Variants in TANGO6 observed in about 807,000 individuals in gnomAD.
TANGO6 encodes transport and Golgi organization protein 6 homolog.
TANGO6 carries 90 observed loss-of-function variants against 114.2 expected under a neutral mutation model. The observed-to-expected ratio is 0.79, with a 90% confidence interval of 0.66 to 0.94. TANGO6 has a LOEUF of 0.94. Among genes scored for constraint, TANGO6 ranks in the 40% least tolerant of loss-of-function variants. The pLI is 0.00. For synonymous variants in TANGO6, 477 were observed against 509.8 expected (o/e 0.94, Z 0.87); for missense variants, 1,274 against 1,315.3 (o/e 0.97, Z 0.49).
At chr16:69,013,301 T>TA (rs1440662812) in intron 15 of TANGO6, among the ~76,000 whole-genome samples, 1 of 152,182 alleles carries the variant, frequency 6.6e-6, no homozygotes, top group Non-Finnish European at 1.5e-5. Context: ...ACTTTGGTTA[T>TA]AAAATTGACT....
intron 15 of TANGO6, among the ~76,000 whole-genome samples, chr16:69,008,575 A>G (rs1964116537): frequency 6.6e-6 from 1 of 151,548 alleles, no homozygotes; most frequent in East Asian, 1.9e-4. Context: ...TTACAATTTT[A>G]TCTCTTATGC....
intron 17 of TANGO6, among the ~76,000 whole-genome samples, chr16:69,068,831 A>G (rs1031783401): frequency 3.9e-5 from 6 of 152,148 alleles, no homozygotes; most frequent in Non-Finnish European, 8.8e-5. Context: ...CTTCTGCCTC[A>G]GCCTCCCGTG....
At chr16:68,958,713 T>G (rs1187503191) in intron 14 of TANGO6, among the ~76,000 whole-genome samples, 2 of 151,912 alleles carry the variant, frequency 1.3e-5, no homozygotes, top group Admixed American at 1.3e-4. Flanking sequence ...GGGGGAGGAT[T>G]ACTTGAGACC....
chr16:68,866,987 T>C (rs1425973233), intron 3 of TANGO6, 92 bp from the exon 4 acceptor site: 4 of 561,414 alleles, frequency 7.1e-6, no homozygotes, highest in African/African-American at 4.0e-5. Context: ...TTTTTTTTTT[T>C]TTTTTTTTTT....
intron 14 of TANGO6, among the ~76,000 whole-genome samples, chr16:68,952,078 A>C (rs1963476993): frequency 6.6e-6 from 1 of 152,212 alleles, no homozygotes. Context: ...ATTCATGACC[A>C]AGAAGGCAAC....
chr16:69,053,134 T>C (rs968484605), intron 17 of TANGO6, among the ~76,000 whole-genome samples: 7 of 152,152 alleles, frequency 4.6e-5, no homozygotes, highest in Admixed American at 4.6e-4. Context: ...AGTACCACTT[T>C]ATAGAGTTGT....
rs1301281479 is a variant in TANGO6 at position 68,863,151 on chromosome 16, C to T, written c.852+90C>T. ...TCTGGAAAATTAAATAACTTTAGTT[C>T]CCTGTTTAATGATCTAGTTGAGCCT... On this transcript the variant is annotated intron_variant, in intron 3 of 17. Transcript: ENST00000261778. 4.0e-6 allele frequency: 3 copies of T among 754,950 alleles called. No individual in the cohort carries two copies. In the East Asian group the frequency reaches 8.4e-5, roughly 21 times the overall value. The allele number at this position is 754,950 out of a possible 1,614,324, so 46.8% of individuals were successfully genotyped here.
intron 15 of TANGO6, among the ~76,000 whole-genome samples, chr16:68,978,717 G>A (rs909589979): frequency 2.6e-5 from 4 of 151,954 alleles, no homozygotes; most frequent in African/African-American, 7.3e-5. Context: ...TCTCTGCAGT[G>A]GTGGGAGTTG....
chr16:68,981,256 G>C (rs1963833964), intron 15 of TANGO6, among the ~76,000 whole-genome samples: 1 of 140,842 alleles, frequency 7.1e-6, no homozygotes. Context: ...TGTTGCCCAG[G>C]CTGGAGTATA....
Position 68,907,561 on chromosome 16 carries a change from A to G in TANGO6, c.1786A>G (p.Ile596Val), listed in dbSNP as rs1165860125. 1 of 1,612,764 alleles carries G rather than the reference A, an allele frequency of 6.2e-7. No homozygotes were observed. Among genetic ancestry groups the G allele is most frequent in the South Asian group, 1.1e-5 (1 of 90,848 alleles). ...ATGCGGTTTGGCAGGAGACTTCTTC[A>G]TCTTCTGTTTGAAAGTAAGAACTAC... Reference protein sequence around the residue: ...QECGLAGDFFIFCLKELTHVA... With the variant: ...QECGLAGDFFVFCLKELTHVA... Residue 596 changes from isoleucine (I) to valine (V), a missense_variant, in exon 10 of 18, where the codon ATC becomes GTC. Around this residue, in one of 5 missense-constraint regions of TANGO6, gnomAD observed 908 missense variants for 910.2 expected, o/e 1.00. Coordinates refer to ENST00000261778, the MANE Select transcript of TANGO6 (RefSeq NM_024562.2).
chr16:68,887,367 G>C (rs973097884), intron 7 of TANGO6, among the ~76,000 whole-genome samples: 4 of 152,066 alleles, frequency 2.6e-5, no homozygotes, highest in African/African-American at 9.7e-5. Flanking sequence ...CAGACTGCAG[G>C]TTATCTGGTT....
At chr16:69,009,778 T>C (rs1325672813) in intron 15 of TANGO6, among the ~76,000 whole-genome samples, 1 of 152,254 alleles carries the variant, frequency 6.6e-6, no homozygotes, top group Non-Finnish European at 1.5e-5. Flanking sequence ...TCCTATCTTA[T>C]TCTTTTCAAT....
rs188348258 is a variant in TANGO6 at position 68,952,320 on chromosome 16, A to G, written c.2702-21708A>G. Among the ~76,000 whole-genome samples, 925 of 151,994 alleles carry G rather than the reference A, an allele frequency of 6.1e-3. 24 individuals carry two copies. Among genetic ancestry groups the G allele is most frequent in the South Asian group, 2.3e-3 (11 of 4,812 alleles). ...CTTCCCCTTAAATACAGCATCCCAC[A>G]CTCTCTAAGTAATCCATGGTTTTTA... On this transcript the variant is annotated intron_variant, in intron 14 of 17. Transcript: ENST00000261778.
rs550641067 is a variant in TANGO6, at chr16:69,079,051, T to G, written c.3109-4434T>G. On this transcript the variant is annotated intron_variant, in intron 17 of 17. Transcript: ENST00000261778. ...TCTCAAAAATAAAATATAGGCTGGG[T>G]GCAGTGGCTCATGCCTGTAATCCCA... Among the ~76,000 whole-genome samples, 3 of 151,152 alleles carry G rather than the reference T, an allele frequency of 2.0e-5. No homozygotes were observed. In the South Asian group the frequency reaches 6.3e-4, roughly 32 times the overall value.
chr16:68,852,913 A>G (rs1007546756), intron 1 of TANGO6, among the ~76,000 whole-genome samples: 2 of 152,172 alleles, frequency 1.3e-5, no homozygotes, highest in African/African-American at 4.8e-5. Context: ...TCCACAATTC[A>G]CATTTTATTA....
chr16:68,980,304 T>C (rs928852751), intron 15 of TANGO6, among the ~76,000 whole-genome samples: 1 of 150,270 alleles, frequency 6.7e-6, no homozygotes, highest in African/African-American at 2.4e-5. Context: ...ATCTATCTTT[T>C]ACCTTATGAT....
At chr16:69,043,473 C>G (rs1959805792) in intron 17 of TANGO6, among the ~76,000 whole-genome samples, 1 of 152,110 alleles carries the variant, frequency 6.6e-6, no homozygotes, top group Admixed American at 6.5e-5. Context: ...TTGTCACTTT[C>G]AAAACCCATG....
At chr16:69,077,324 C>T (rs1011613386) in intron 17 of TANGO6, among the ~76,000 whole-genome samples, 1 of 152,048 alleles carries the variant, frequency 6.6e-6, no homozygotes, top group African/African-American at 2.4e-5. Flanking sequence ...ACCTGGCCCT[C>T]TTGAGCATGG....
Position 69,009,148 on chromosome 16 carries a change from C to G in TANGO6, c.2843-13680C>G, listed in dbSNP as rs527380418. 2.4e-5 allele frequency among the ~76,000 whole-genome samples: 3 copies of G among 123,100 alleles called. No individual in the cohort carries two copies. In the South Asian group the frequency reaches 8.0e-4, roughly 33 times the overall value. The allele number at this position is 123,100 out of a possible 152,430, so 80.8% of individuals were successfully genotyped here. On this transcript the variant is annotated intron_variant, in intron 15 of 17. Coordinates refer to ENST00000261778, the MANE Select transcript of TANGO6 (RefSeq NM_024562.2). ...CCAGGCTGGAGTGCAGTGGCGTGAT[C>G]TCGGCTCACTGAAATCTCCGCCTCA...
Sources: gnomAD v4.1 joint callset for allele counts (sites outside exome capture counted in the v4.1 genomes callset) on GRCh38, gnomAD v4.1.1 for gene constraint, gnomAD v4.1.1 regional missense constraint, MANE v1.5 for transcripts, NCBI Gene and HGNC (gene_info 2026-07-23, HGNC 2026-07-21) for gene names.